ITGB3BP: variants seen among roughly 807,000 people sequenced by gnomAD.
The protein encoded by ITGB3BP is centromere protein R.
Under a neutral mutation model 29.1 loss-of-function variants are expected in ITGB3BP, and 27 were observed. The observed-to-expected ratio is 0.93, with a 90% CI of 0.68 to 1.28. The LOEUF is 1.28. Ranked by LOEUF, ITGB3BP falls within the 50% of genes most tolerant of loss-of-function variation. The probability of loss-of-function intolerance (pLI) is 0.00; values close to 1 mark genes in which losing one functional copy is unlikely to be tolerated. For missense variants in ITGB3BP, 192 were observed against 200.2 expected, an observed-to-expected ratio of 0.96 and a Z score of 0.25; for synonymous variants, 61 against 61.4, an observed-to-expected ratio of 0.99 and a Z score of 0.03.
chr1:63,493,420 ACAAAC>A (rs1429571041), intron 2 of ITGB3BP, among the ~76,000 whole-genome samples: 6 of 97,884 alleles, frequency 6.1e-5, no homozygotes, highest in African/African-American at 3.3e-4. Flanking sequence ...GTCTCAAAAA[ACAAAC>A]AAACAAACAA....
intron 8 of ITGB3BP, chr1:63,443,179 G>A (rs1219073228): frequency 6.6e-6 from 1 of 152,324 alleles, no homozygotes; most frequent in Non-Finnish European, 1.5e-5. Context: ...GGTGATATCA[G>A]GAGTACTGTC....
chr1:63,504,405 T>C lies in ITGB3BP; in HGVS notation c.48+4123A>G, dbSNP rs866503955. 3.9e-3 allele frequency among the ~76,000 whole-genome samples: 594 copies of C among 151,964 alleles called. 9 individuals are homozygous for C. The highest frequency in any genetic ancestry group is 0.013 in the African/African-American group (533 of 41,258). On this transcript the variant is annotated intron_variant, in intron 2 of 8. Transcript: ENST00000271002. ...GAAGTTGCCTATCAGCTTAAGGAGA[T>C]TTTGGGCTGAGACGATGGGGTTTTC...
At chr1:63,459,268 T>C (rs1054738036) in intron 4 of ITGB3BP, among the ~76,000 whole-genome samples, 2 of 152,210 alleles carry the variant, frequency 1.3e-5, no homozygotes, top group Non-Finnish European at 2.9e-5. Context: ...TATTTAGATT[T>C]CTGCCTTAGT....
In ITGB3BP at chr1:63,454,058, A is replaced by C; in HGVS notation, c.428-84T>G. On this transcript the variant is annotated intron_variant, in intron 6 of 8. Transcript: ENST00000271002. This position sits in a 1 kb window ranked among gnomAD's most constrained non-coding sequence, Gnocchi z 4.1. ...TACTTGCAACAAACAACTTCATGAG[A>C]AAAAAATAATTCAAAATAATACATA... is the stretch of plus-strand genomic sequence containing the variant. 6 of 713,084 alleles carry C rather than the reference A, an allele frequency of 8.4e-6. No homozygotes were observed. The South Asian group carries it at 1.1e-4, about 13-fold the overall frequency. The allele number at this position is 713,084 out of a possible 1,614,324, so 44.2% of individuals were successfully genotyped here. A position where few individuals can be genotyped will look rare whatever the true frequency, so the allele number is the denominator to read the frequency against.
At chr1:63,484,413 AG>A (rs1285323253) in intron 3 of ITGB3BP, among the ~76,000 whole-genome samples, 1 of 152,092 alleles carries the variant, frequency 6.6e-6, no homozygotes, top group African/African-American at 2.4e-5. Flanking sequence ...AGTATAATGT[AG>A]GTATAAATTT....
chr1:63,472,431 A>T (rs1307663582), intron 4 of ITGB3BP, among the ~76,000 whole-genome samples: 2 of 117,916 alleles, frequency 1.7e-5, no homozygotes, highest in African/African-American at 3.2e-5. Context: ...AAACTGATCC[A>T]CCCTCTCCCT....
chr1:63,507,199 T>C lies in ITGB3BP; in HGVS notation c.48+1329A>G, dbSNP rs559933594. On this transcript the variant is annotated intron_variant, in intron 2 of 8. Transcript: ENST00000271002. Reference sequence around the variant, plus strand: ...AACCTCCTTCGGGCAGATGTGGTCATGTAGTACCAAGCTAAATCAACTGGT... The same window carrying C: ...AACCTCCTTCGGGCAGATGTGGTCACGTAGTACCAAGCTAAATCAACTGGT... Among the ~76,000 whole-genome samples the C allele has an allele frequency of 6.6e-5, 10 of 152,326 alleles. No individual in the cohort carries two copies. The East Asian group carries it at 1.9e-3, about 29-fold the overall frequency.
chr1:63,500,315 T>C (rs1489433754), intron 2 of ITGB3BP, among the ~76,000 whole-genome samples: 8 of 151,736 alleles, frequency 5.3e-5, no homozygotes. Flanking sequence ...GAGGCGGAGG[T>C]TGCAGTGAGC....
intron 7 of ITGB3BP, among the ~76,000 whole-genome samples, chr1:63,448,994 C>T (rs183761331): frequency 6.6e-6 from 1 of 152,218 alleles, no homozygotes; most frequent in African/African-American, 2.4e-5. Context: ...AAATGCTTCA[C>T]AGAAAATAAA....
At chr1:63,447,615 C>T in intron 7 of ITGB3BP, 1 of 497,150 alleles carries the variant, frequency 2.0e-6, no homozygotes. Flanking sequence ...TGAGGCTGAC[C>T]TTAAAGGATG....
At chr1:63,477,779 C>A (rs1000765508) in intron 4 of ITGB3BP, among the ~76,000 whole-genome samples, 18 of 151,840 alleles carry the variant, frequency 1.2e-4, no homozygotes, top group Admixed American at 2.0e-4. Context: ...CTTCTCTTTA[C>A]TCTTTAGTGT....
chr1:63,463,703 T>C (rs1021011684), intron 4 of ITGB3BP, among the ~76,000 whole-genome samples: 3 of 152,180 alleles, frequency 2.0e-5, no homozygotes, highest in African/African-American at 7.2e-5. Context: ...ATAAAGGATA[T>C]GGAAGTTCAC....
intron 2 of ITGB3BP, among the ~76,000 whole-genome samples, chr1:63,504,354 T>C (rs1239467586): frequency 6.6e-6 from 1 of 151,978 alleles, no homozygotes; most frequent in Non-Finnish European, 1.5e-5. Flanking sequence ...TTTTTGTACA[T>C]TGATTTTGTA....
At position 63,484,156 on chromosome 1, in the gene ITGB3BP, T is replaced by C. The variant is rs551218100; in HGVS notation, c.185-5323A>G. Among the ~76,000 whole-genome samples, 71 of 152,348 alleles carry C rather than the reference T, an allele frequency of 4.7e-4. 1 individual carries two copies. Among genetic ancestry groups the C allele is most frequent in the African/African-American group, 1.6e-3 (67 of 41,588 alleles). ...GTACTGAACATATACAGACTTTTCC[T>C]TGTCATAATTCCCTAAACAATACAG... On this transcript the variant is annotated intron_variant, in intron 3 of 8. Transcript: ENST00000271002.
chr1:63,482,124 T>C (rs1023846971), intron 3 of ITGB3BP, among the ~76,000 whole-genome samples: 8 of 151,508 alleles, frequency 5.3e-5, no homozygotes, highest in Non-Finnish European at 1.0e-4. Context: ...ATACAAAAAA[T>C]TACCCGCGCC....
chr1:63,518,123 A>G (rs1191523732), intron 1 of ITGB3BP, among the ~76,000 whole-genome samples: 2 of 152,282 alleles, frequency 1.3e-5, no homozygotes, highest in East Asian at 1.9e-4. Flanking sequence ...AATCTTAAAA[A>G]AGTTTTCGAT....
chr1:63,448,735 T>C (rs1256590176), intron 7 of ITGB3BP, among the ~76,000 whole-genome samples: 3 of 152,182 alleles, frequency 2.0e-5, no homozygotes, highest in Non-Finnish European at 4.4e-5. Flanking sequence ...ACCTCAAGAA[T>C]AGTCTTCAGT....
chr1:63,484,245 A>G (rs57810058), intron 3 of ITGB3BP, among the ~76,000 whole-genome samples: 1,871 of 152,246 alleles, frequency 0.012, 45 homozygotes, highest in African/African-American at 0.043. Flanking sequence ...GAGATAATTT[A>G]AAGTATATAG....
intron 2 of ITGB3BP, among the ~76,000 whole-genome samples, chr1:63,502,513 C>CTT (rs66468422): frequency 0.03 from 4,265 of 141,948 alleles, 151 homozygotes; most frequent in African/African-American, 0.08. Context: ...AAAGGCACTT[C>CTT]TTTTTTTTTT....
Sources: allele counts gnomAD v4.1 joint callset (sites outside exome capture counted in the v4.1 genomes callset), GRCh38; gene constraint gnomAD v4.1.1; non-coding constraint Gnocchi (gnomAD v3.1); transcripts MANE v1.5; gene names NCBI Gene and HGNC (gene_info 2026-07-23, HGNC 2026-07-21).